The following FSTL4 variants were observed in gnomAD, a reference collection of about 807,000 sequenced individuals.
FSTL4 encodes follistatin-related protein 4.
FSTL4 carries 28 observed loss-of-function variants against 78.2 expected under a neutral mutation model. That is an observed-to-expected ratio of 0.36 (90% CI 0.27 to 0.49). The LOEUF (loss-of-function observed/expected upper bound fraction) is 0.49. Ranked by LOEUF, FSTL4 falls within the 20% of genes least tolerant of loss-of-function variation. The pLI, the probability that FSTL4 is intolerant of heterozygous loss-of-function variation, is 0.98. For synonymous variants in FSTL4, 422 were observed against 440.5 expected (o/e 0.96, Z 0.53); for missense variants, 922 against 1,084.9 (o/e 0.85, Z 2.11).
Position 133,210,303 on chromosome 5 carries a change from A to C in FSTL4, c.1609-5T>G. ...CAGAGGGTCCACACCTATGGACTTG[A>C]AAAAAAATAGTGACATGTTGTGAAA... On this transcript the variant is annotated splice_polypyrimidine_tract_variant and splice_region_variant and intron_variant, in intron 13 of 15. Transcript: ENST00000265342. 1 of 1,470,234 alleles carries C rather than the reference A, an allele frequency of 6.8e-7. No individual in the cohort carries two copies. The highest frequency in any genetic ancestry group is 9.5e-7 in the Non-Finnish European group (1 of 1,054,416). 91.1% of individuals were successfully genotyped at this position (1,470,234 alleles called of 1,614,324 possible).
chr5:133,363,059 CT>C (rs1755104634), intron 4 of FSTL4, among the ~76,000 whole-genome samples: 1 of 152,110 alleles, frequency 6.6e-6, no homozygotes, highest in African/African-American at 2.4e-5. Context: ...TCTCTCTCTC[CT>C]AACTTCTTCC....
At position 133,370,444 on chromosome 5, in the gene FSTL4, C is replaced by A. The variant is rs1236910966; in HGVS notation, c.409+30294G>T. 2.6e-5 allele frequency among the ~76,000 whole-genome samples: 4 copies of A among 152,012 alleles called. No individual in the cohort carries two copies. The East Asian group carries it at 7.8e-4, about 30-fold the overall frequency. On this transcript the variant is annotated intron_variant, in intron 4 of 15. Coordinates refer to ENST00000265342, the MANE Select transcript of FSTL4 (RefSeq NM_015082.2). ...TCCTAATTTTTTTTTTAAACATTAG[C>A]CATGGCTGGGCAGGAAGCCTGCTGG... is the stretch of plus-strand genomic sequence containing the variant.
chr5:133,675,353 C>T, the FSTL4 span, among the ~76,000 whole-genome samples: 1 of 152,172 alleles, frequency 6.6e-6, no homozygotes, highest in African/African-American at 2.4e-5. Flanking sequence ...CTCCAAATCG[C>T]AATTTGAAGG....
intron 3 of FSTL4, among the ~76,000 whole-genome samples, chr5:133,408,065 G>A (rs1263164477): frequency 6.6e-6 from 1 of 152,180 alleles, no homozygotes; most frequent in Non-Finnish European, 1.5e-5. Context: ...AAAGAACCAT[G>A]TGCATTTTTA....
chr5:133,529,814 G>A (rs1759213607), intron 3 of FSTL4, among the ~76,000 whole-genome samples: 1 of 151,472 alleles, frequency 6.6e-6, no homozygotes, highest in Non-Finnish European at 1.5e-5. Context: ...CTATTCATCT[G>A]TGTAATATTT....
intron 3 of FSTL4, among the ~76,000 whole-genome samples, chr5:133,404,721 C>G (rs1373284212): frequency 6.6e-6 from 1 of 152,132 alleles, no homozygotes; most frequent in African/African-American, 2.4e-5. Context: ...GCCCGTCTGA[C>G]CCCGGTGGAA....
At chr5:133,422,443 T>C (rs1055629990) in intron 3 of FSTL4, among the ~76,000 whole-genome samples, 2 of 151,436 alleles carry the variant, frequency 1.3e-5, no homozygotes, top group African/African-American at 4.9e-5. Flanking sequence ...TGGAGGGTAG[T>C]GTGAGTGAAG....
intron 4 of FSTL4, among the ~76,000 whole-genome samples, chr5:133,330,649 T>C (rs976660325): frequency 6.6e-6 from 1 of 152,130 alleles, no homozygotes; most frequent in Non-Finnish European, 1.5e-5. Context: ...ACACCACACA[T>C]ATATGGGATA....
chr5:133,218,519 CAA>C (rs1750988035), intron 12 of FSTL4, among the ~76,000 whole-genome samples: 1 of 152,140 alleles, frequency 6.6e-6, no homozygotes, highest in South Asian at 2.1e-4. Context: ...AATAAAATCC[CAA>C]GTCTTTCCTA....
intron 3 of FSTL4, among the ~76,000 whole-genome samples, chr5:133,509,675 C>T (rs775006819): frequency 1.4e-4 from 21 of 152,198 alleles, no homozygotes; most frequent in South Asian, 2.1e-4. Flanking sequence ...AGTCCTTCAG[C>T]GAAGGACTGC....
At chr5:133,724,400 A>C in the FSTL4 span, among the ~76,000 whole-genome samples, 2 of 150,212 alleles carry the variant, frequency 1.3e-5, no homozygotes, top group Non-Finnish European at 1.5e-5. Context: ...TGTGCTCTGC[A>C]AGATTTCTAC....
intron 3 of FSTL4, among the ~76,000 whole-genome samples, chr5:133,472,457 G>A (rs755952962): frequency 3.3e-5 from 5 of 152,042 alleles, no homozygotes; most frequent in Non-Finnish European, 7.4e-5. Flanking sequence ...CAGAAGAAAG[G>A]ACTCCATAAA....
At chr5:133,427,555 C>T (rs751447458) in intron 3 of FSTL4, 7 of 494,390 alleles carry the variant, frequency 1.4e-5, no homozygotes, top group Admixed American at 7.8e-5. Flanking sequence ...TGAGTGCTTC[C>T]AGCAATTAGT....
intron 6 of FSTL4, among the ~76,000 whole-genome samples, chr5:133,291,623 A>T (rs1753264233): frequency 6.6e-6 from 1 of 152,168 alleles, no homozygotes; most frequent in Non-Finnish European, 1.5e-5. Flanking sequence ...TGGAGAGCAA[A>T]TGAGCGTCTC....
chr5:133,708,561 C>A, the FSTL4 span, among the ~76,000 whole-genome samples: 2 of 152,226 alleles, frequency 1.3e-5, no homozygotes, highest in East Asian at 3.8e-4. Flanking sequence ...AGAGCAGATA[C>A]AACCTGCCTC....
At position 133,349,293 on chromosome 5, in the gene FSTL4, C is replaced by CTGTGTG. The variant is rs1297491221; in HGVS notation, c.410-32642_410-32641insCACACA. On this transcript the variant is annotated intron_variant, in intron 4 of 15. Transcript: ENST00000265342. ...GTGCTCCCCTGTTGAAAGCCTCTCT[C>CTGTGTG]TCTGTGTGTGTGTGTGTGTGTGTGT... Among the ~76,000 whole-genome samples, 722 of 99,252 alleles carry CTGTGTG rather than the reference C, an allele frequency of 7.3e-3. 1 individual carries two copies. The highest frequency in any genetic ancestry group is 0.022 in the African/African-American group (613 of 27,938). 65.1% of individuals were successfully genotyped at this position (99,252 alleles called of 152,430 possible).
Position 133,338,762 on chromosome 5 carries a change from C to A in FSTL4, c.410-22110G>T, listed in dbSNP as rs1350309302. ...CAGCCTCAGCCGACAACCCCTCCAC[C>A]CAAGCCCCCTGCTTCCCAAATCGCA... On this transcript the variant is annotated intron_variant, in intron 4 of 15. Coordinates refer to ENST00000265342, the MANE Select transcript of FSTL4 (RefSeq NM_015082.2). The surrounding 1 kb of genome is among the most constrained non-coding windows in gnomAD (Gnocchi z 4.0). Among the ~76,000 whole-genome samples, 1 of 152,094 alleles carries A rather than the reference C, an allele frequency of 6.6e-6. No homozygotes were observed. The highest frequency in any genetic ancestry group is 1.9e-4 in the East Asian group (1 of 5,184).
chr5:133,639,502 C>T, the FSTL4 span, among the ~76,000 whole-genome samples: 2 of 152,200 alleles, frequency 1.3e-5, no homozygotes, highest in African/African-American at 4.8e-5. Context: ...GCCTTTGCTC[C>T]TTCCCTGAGA....
intron 3 of FSTL4, among the ~76,000 whole-genome samples, chr5:133,532,317 C>T (rs776790993): frequency 5.9e-5 from 9 of 152,216 alleles, no homozygotes; most frequent in Non-Finnish European, 1.3e-4. Flanking sequence ...TAAATAACTT[C>T]CAGGAATCTA....
Sources: gnomAD v4.1 joint callset for allele counts (sites outside exome capture counted in the v4.1 genomes callset) on GRCh38, gnomAD v4.1.1 for gene constraint, Gnocchi (gnomAD v3.1) non-coding constraint, MANE v1.5 for transcripts, NCBI Gene and HGNC (gene_info 2026-07-23, HGNC 2026-07-21) for gene names.